Variants in RASGRF1 observed in about 807,000 individuals in gnomAD.
RASGRF1 encodes ras-specific guanine nucleotide-releasing factor 1.
A neutral mutation model predicts 138.7 loss-of-function variants in RASGRF1; 40 were observed. The ratio of observed to expected loss-of-function variants is 0.29; its 90% confidence interval spans 0.22 to 0.38. The LOEUF is 0.38. Among genes scored for constraint, RASGRF1 ranks in the 10% least tolerant of loss-of-function variants. RASGRF1 has a pLI of 1.00. For missense variants in RASGRF1, 1,108 were observed against 1,650.4 expected (o/e 0.67, Z 5.69); for synonymous variants, 614 against 663.2 (o/e 0.93, Z 1.14).
intron 20 of RASGRF1, 76 bp from the exon 21 acceptor site, chr15:78,991,870 T>C: frequency 8.4e-7 from 1 of 1,194,996 alleles, no homozygotes; most frequent in Admixed American, 1.8e-5. Flanking sequence ...GCTGCCTCTG[T>C]GGGGGTATCT....
At chr15:78,996,075 C>A (rs2056385710) in intron 19 of RASGRF1, among the ~76,000 whole-genome samples, 1 of 152,212 alleles carries the variant, frequency 6.6e-6, no homozygotes, top group East Asian at 1.9e-4. Context: ...GGCAGGGAGC[C>A]CTTGAGGGAG....
rs141184645 is a variant in RASGRF1, at chr15:79,006,055, G to A, written c.2075+131C>T. On this transcript the variant is annotated intron_variant, in intron 14 of 26. Coordinates refer to ENST00000558480, the MANE Select transcript of RASGRF1 (RefSeq NM_001145648.3). This position sits in a 1 kb window ranked among gnomAD's most constrained non-coding sequence, Gnocchi z 4.0. ...AGGGGGCAGTGGCGGTGTGTGTCCC[G>A]CAGCACCCCAACACGTTACTGCTGC... 2,145 of 1,337,118 alleles carry A rather than the reference G, an allele frequency of 1.6e-3. 28 individuals carry two copies. The African/African-American group carries it at 0.027, about 17-fold the overall frequency. The allele number at this position is 1,337,118 out of a possible 1,614,324, so 82.8% of individuals were successfully genotyped here. A position where few individuals can be genotyped will look rare whatever the true frequency, so the allele number is the denominator to read the frequency against.
intron 6 of RASGRF1, among the ~76,000 whole-genome samples, chr15:79,033,738 C>T (rs2057178804): frequency 6.6e-6 from 1 of 151,526 alleles, no homozygotes; most frequent in Admixed American, 6.6e-5. Context: ...TACAGGTGTG[C>T]ACCACTACAC....
Position 79,032,783 on chromosome 15 carries a change from G to C in RASGRF1, c.959-467C>G, listed in dbSNP as rs759210269. Reference sequence around the variant, plus strand: ...GGTCACCCCTTCTCCAGAGCTTCCTGTGGGGTCGGCTGAGGCTTCTGTTGC... The same window carrying C: ...GGTCACCCCTTCTCCAGAGCTTCCTCTGGGGTCGGCTGAGGCTTCTGTTGC... On this transcript the variant is annotated intron_variant, in intron 6 of 26. Coordinates refer to ENST00000558480, the MANE Select transcript of RASGRF1 (RefSeq NM_001145648.3). The surrounding 1 kb of genome is among the most constrained non-coding windows in gnomAD (Gnocchi z 4.5). 3.9e-5 allele frequency among the ~76,000 whole-genome samples: 6 copies of C among 152,210 alleles called. No individual in the cohort carries two copies. Among genetic ancestry groups the C allele is most frequent in the Non-Finnish European group, 8.8e-5 (6 of 68,026 alleles).
chr15:79,026,608 C>G (rs1428510785), intron 9 of RASGRF1, among the ~76,000 whole-genome samples: 2 of 152,180 alleles, frequency 1.3e-5, no homozygotes, highest in Admixed American at 6.5e-5. Flanking sequence ...GTGAGAAACG[C>G]CTTGCAGAAT....
rs1166156130 is a variant in RASGRF1 at position 78,960,062 on chromosome 15, A to C, written c.*2082T>G. 1 of 152,238 alleles carries C rather than the reference A, an allele frequency of 6.6e-6. No individual in the cohort carries two copies. The highest frequency in any genetic ancestry group is 1.5e-5 in the Non-Finnish European group (1 of 68,048). The allele number at this position is 152,238 out of a possible 1,614,324, so 9.4% of individuals were successfully genotyped here. ...TTAAGTGACTTGGCTGAGCTCATGA[A>C]GCAGGTAAAGCTGGCAATCAAAATC... On this transcript the variant is annotated 3_prime_UTR_variant, in exon 27 of 27. Transcript: ENST00000558480.
intron 8 of RASGRF1, among the ~76,000 whole-genome samples, chr15:79,030,218 C>A (rs183866591): frequency 6.6e-6 from 1 of 152,170 alleles, no homozygotes; most frequent in Non-Finnish European, 1.5e-5. Context: ...TGCCCCTTGC[C>A]GGCCTCAGGA....
chr15:79,049,756 G>C (rs1287884738), intron 3 of RASGRF1, among the ~76,000 whole-genome samples, 168 bp from the exon 4 acceptor site: 1 of 152,128 alleles, frequency 6.6e-6, no homozygotes, highest in Non-Finnish European at 1.5e-5. Context: ...TCCAGGTCAT[G>C]GAACCAGACA....
rs925639732 is a variant in RASGRF1 at position 79,072,554 on chromosome 15, C to T, written c.277-8028G>A. ...CCTCCCAAAGTGCTGGGACTACAGG[C>T]GTGAGCCACCGCGCCCGGCCAATAA... On this transcript the variant is annotated intron_variant, in intron 1 of 26. Transcript: ENST00000558480. Among the ~76,000 whole-genome samples, 8 of 152,108 alleles carry T rather than the reference C, an allele frequency of 5.3e-5. No individual in the cohort carries two copies. The East Asian group carries it at 5.8e-4, about 11-fold the overall frequency.
In RASGRF1 at chr15:79,032,011, C is replaced by G. The variant is rs574862537; in HGVS notation, c.1152+112G>C. On this transcript the variant is annotated intron_variant, in intron 7 of 26. Coordinates refer to ENST00000558480, the MANE Select transcript of RASGRF1 (RefSeq NM_001145648.3). This position sits in a 1 kb window ranked among gnomAD's most constrained non-coding sequence, Gnocchi z 4.5. ...CTGGCCCTGACCACCTCCCCCGCCCCCTTTGGCAGCCCAGAGCTGGGGTGC... is the reference window on the plus strand; with the variant it reads ...CTGGCCCTGACCACCTCCCCCGCCCGCTTTGGCAGCCCAGAGCTGGGGTGC... 5.9e-4 allele frequency: 780 copies of G among 1,323,438 alleles called. 4 individuals are homozygous for G. The African/African-American group carries it at 0.01, about 17-fold the overall frequency. 82.0% of individuals were successfully genotyped at this position (1,323,438 alleles called of 1,614,324 possible).
rs141524443 is a variant in RASGRF1, at chr15:78,991,787, C to A, written c.3035G>T (p.Gly1012Val). 2 of 1,611,934 alleles carry A rather than the reference C, an allele frequency of 1.2e-6. No homozygotes were observed. The highest frequency in any genetic ancestry group is 1.7e-6 in the Non-Finnish European group (2 of 1,178,346). ...TLEEITQMAE[G>V]VKAEPFENHS... ...GTTTTCAAAGGGCTCAGCCTTCACG[C>A]CTTCAGCCTGGTTTTGAGTTGGGGG... Residue 1012 changes from glycine to valine, a missense_variant, in exon 21 of 27, where the codon GGC (glycine) becomes GTC (valine). Transcript: ENST00000558480.
At chr15:79,045,266 A>G (rs1485934214) in intron 5 of RASGRF1, among the ~76,000 whole-genome samples, 1 of 152,170 alleles carries the variant, frequency 6.6e-6, no homozygotes, top group Admixed American at 6.5e-5. Context: ...CTTGTGTTTG[A>G]GAATATGTGA....
rs2057032162 is a variant in RASGRF1, at chr15:79,025,355, T to C, written c.1501A>G (p.Ile501Val). ...QCFLFSKHLI[I>V]CTRGSGGKLH... ...TTCCCTCCAGAGCCTCTGGTACAGA[T>C]AATCAGATGCTTAGAAAACAGGAAG... Residue 501 changes from isoleucine to valine, a missense_variant, in exon 10 of 27, where the codon ATC becomes GTC. Ile to Val is a conservative substitution (Grantham distance 29). Around this residue, in one of 3 missense-constraint regions of RASGRF1, gnomAD observed 169 missense variants for 344.2 expected, o/e 0.49. Coordinates refer to ENST00000558480, the MANE Select transcript of RASGRF1 (RefSeq NM_001145648.3). 1.2e-6 allele frequency: 2 copies of C among 1,613,858 alleles called. No individual in the cohort carries two copies. The highest frequency in any genetic ancestry group is 2.2e-5 in the South Asian group (2 of 91,052).
At chr15:79,035,256 C>T (rs2057202602) in intron 5 of RASGRF1, 46 bp from the exon 6 acceptor site, 2 of 1,517,010 alleles carry the variant, frequency 1.3e-6, no homozygotes, top group African/African-American at 2.7e-5. Context: ...GGACTTCCTG[C>T]TGCTCCAGAG....
intron 1 of RASGRF1, among the ~76,000 whole-genome samples, chr15:79,068,269 C>T (rs2057705960): frequency 6.6e-6 from 1 of 151,994 alleles, no homozygotes; most frequent in Non-Finnish European, 1.5e-5. Flanking sequence ...GTTCTCTTCA[C>T]TGTAATGGAG....
chr15:78,995,674 TCAGGGGTCCTGGG>T, intron 20 of RASGRF1, 53 bp downstream of exon 20: 1 of 1,567,278 alleles, frequency 6.4e-7, no homozygotes, highest in Admixed American at 1.7e-5. Flanking sequence ...CTGTGATGGG[TCAGGGGTCCTGGG>T]CAGGAGGATG....
intron 2 of RASGRF1, among the ~76,000 whole-genome samples, chr15:79,064,175 A>T (rs1029072505): frequency 4.6e-5 from 7 of 152,166 alleles, no homozygotes; most frequent in Non-Finnish European, 8.8e-5. Flanking sequence ...TAATATAAAA[A>T]AGGTAACTAG....
At chr15:79,059,449 C>T (rs2057566846) in intron 2 of RASGRF1, among the ~76,000 whole-genome samples, 1 of 149,620 alleles carries the variant, frequency 6.7e-6, no homozygotes, top group Non-Finnish European at 1.5e-5. Context: ...CTTCCCTATC[C>T]TTCTATCCCC....
At chr15:79,082,020 A>G (rs1049248099) in intron 1 of RASGRF1, among the ~76,000 whole-genome samples, 2 of 152,164 alleles carry the variant, frequency 1.3e-5, no homozygotes, top group Non-Finnish European at 2.9e-5. Flanking sequence ...CTGAGCTTAC[A>G]CTCACACCAC....
Sources: allele counts gnomAD v4.1 joint callset (sites outside exome capture counted in the v4.1 genomes callset), GRCh38; gene constraint gnomAD v4.1.1; regional missense constraint gnomAD v4.1.1; non-coding constraint Gnocchi (gnomAD v3.1); transcripts MANE v1.5; gene names NCBI Gene and HGNC (gene_info 2026-07-23, HGNC 2026-07-21).